VSIG10: variants seen among roughly 807,000 people sequenced by gnomAD.
VSIG10 encodes V-set and immunoglobulin domain-containing protein 10.
In VSIG10, 48 loss-of-function variants were observed where a neutral mutation model predicts 58.7. The ratio of observed to expected loss-of-function variants is 0.82; its 90% CI spans 0.65 to 1.04. VSIG10 has a LOEUF of 1.04. VSIG10 is among the 50% of genes least tolerant of loss of function. The pLI is 0.00. For synonymous variants in VSIG10, 260 were observed against 267.1 expected (o/e 0.97, Z 0.26); for missense variants, 628 against 670.0 (o/e 0.94, Z 0.69).
chr12:118,076,879 G>A (rs1566161420), intron 4 of VSIG10, among the ~76,000 whole-genome samples: 5 of 151,764 alleles, frequency 3.3e-5, no homozygotes, highest in Admixed American at 6.6e-5. Flanking sequence ...GGCTGGTCTC[G>A]AATTCCTAGC....
At chr12:118,103,380 G>T (rs936217396) in intron 1 of VSIG10, among the ~76,000 whole-genome samples, 1 of 152,090 alleles carries the variant, frequency 6.6e-6, no homozygotes, top group Non-Finnish European at 1.5e-5. Context: ...CAGGAGGCTG[G>T]GGGTATCTCG....
chr12:118,087,460 C>A (rs1454757676), intron 2 of VSIG10, among the ~76,000 whole-genome samples: 1 of 144,768 alleles, frequency 6.9e-6, no homozygotes. Flanking sequence ...CAGCCACTTG[C>A]AGATAACAAA....
rs889015191 is a variant in VSIG10 at position 118,070,884 on chromosome 12, A to C, written c.1346+168T>G. On this transcript the variant is annotated intron_variant, in intron 7 of 8. Transcript: ENST00000359236. ...ATGTCACCACCACCCTGAGGAGATG[A>C]TGAAAGGGTTTATAAGAATACCTGA... 4 of 789,922 alleles carry C rather than the reference A, an allele frequency of 5.1e-6. No individual in the cohort carries two copies. In the African/African-American group the frequency reaches 6.9e-5, roughly 14 times the overall value. 48.9% of individuals were successfully genotyped at this position (789,922 alleles called of 1,614,324 possible).
intron 4 of VSIG10, among the ~76,000 whole-genome samples, chr12:118,078,755 A>G (rs1023706699): frequency 2.0e-5 from 3 of 151,808 alleles, no homozygotes; most frequent in South Asian, 4.2e-4. Context: ...CCTGGCCAAC[A>G]TGGTGAAACC....
Position 118,103,667 on chromosome 12 carries a change from G to A in VSIG10, c.5C>T (p.Ala2Val), listed in dbSNP as rs1277011842. Residue 2 changes from alanine to valine, a missense_variant, in exon 1 of 9, where the codon GCC (alanine) becomes GTC (valine). Physicochemically the swap from Ala to Val is moderately conservative, Grantham distance 64 (BLOSUM62 0). Transcript: ENST00000359236. The stretch of plus-strand genomic sequence containing the variant: ...GGGCTCGGGCGCACTGCCGCCTGCG[G>A]CCATCTCGCCCCAGATCCCGGCTCA... M[A>V]AGGSAPEPRV... 6.7e-7 allele frequency: 1 copy of A among 1,494,798 alleles called. No individual in the cohort carries two copies. 92.6% of individuals were successfully genotyped at this position (1,494,798 alleles called of 1,614,324 possible). A position where few individuals can be genotyped will look rare whatever the true frequency, so the allele number is the denominator to read the frequency against.
chr12:118,101,053 C>CAAGG (rs2033610692), intron 1 of VSIG10, among the ~76,000 whole-genome samples: 2 of 152,190 alleles, frequency 1.3e-5, no homozygotes, highest in Non-Finnish European at 2.9e-5. Flanking sequence ...ATTGTTTTCT[C>CAAGG]CTCCAAGGCA....
Position 118,068,479 on chromosome 12 carries a change from CCT to C in VSIG10, c.1463_1464del (p.Glu488GlyfsTer8). On this transcript the variant is annotated frameshift_variant, in exon 8 of 9. Coordinates refer to ENST00000359236, the MANE Select transcript of VSIG10 (RefSeq NM_019086.6). LOFTEE classifies it high-confidence loss of function. ...TGCTTAGGTATTTCTTTTGGCAACT[CCT>C]CTCTCTCACGTGCTCCCTCCTGTTC... ...VGEQEGARER[E>X]ELPKEIPKQD... 6.2e-7 allele frequency: 1 copy of C among 1,613,598 alleles called. No homozygotes were observed. Among genetic ancestry groups the C allele is most frequent in the Non-Finnish European group, 8.5e-7 (1 of 1,179,702 alleles).
intron 2 of VSIG10, among the ~76,000 whole-genome samples, chr12:118,089,933 A>G (rs1278552058): frequency 1.3e-5 from 2 of 152,176 alleles, no homozygotes; most frequent in African/African-American, 4.8e-5. Flanking sequence ...TCTTCTTGAT[A>G]CCAAACACAT....
chr12:118,100,004 G>GA (rs2033581482), intron 1 of VSIG10, among the ~76,000 whole-genome samples: 1 of 152,234 alleles, frequency 6.6e-6, no homozygotes, highest in Admixed American at 6.5e-5. Context: ...GCCACTTGCT[G>GA]AAAGGTGGAG....
At position 118,095,758 on chromosome 12, in the gene VSIG10, T is replaced by G. The variant is rs748688193; in HGVS notation, c.136A>C (p.Asn46His). 1 of 1,613,368 alleles carries G rather than the reference T, an allele frequency of 6.2e-7. No individual in the cohort carries two copies. The highest frequency in any genetic ancestry group is 1.1e-5 in the South Asian group (1 of 90,952). The change falls in exon 2 of 9, where the codon AAC becomes CAC. Residue 46 changes from asparagine to histidine, a missense_variant. Asn to His is a moderately conservative substitution (Grantham distance 68). Coordinates refer to ENST00000359236, the MANE Select transcript of VSIG10 (RefSeq NM_019086.6). ...VHENVTLHCG[N>H]ISGLRGQVTW... is the part of the protein sequence containing the mutation. ...ACCTGGCCCCTCAGTCCCGAGATGT[T>G]GCCACAGTGCAGAGTAACATTCTCA...
At chr12:118,079,841 CTTTG>C (rs549925549) in intron 3 of VSIG10, among the ~76,000 whole-genome samples, 4,648 of 151,596 alleles carry the variant, frequency 0.031, 259 homozygotes, top group African/African-American at 0.11. Flanking sequence ...TTCTTTCTTT[CTTTG>C]TTTTTGAGAT....
intron 3 of VSIG10, among the ~76,000 whole-genome samples, chr12:118,079,940 TCTC>T (rs1217914585): frequency 2.6e-5 from 4 of 152,170 alleles, no homozygotes; most frequent in Admixed American, 6.6e-5. Context: ...TTCAAGCAAT[TCTC>T]CTGCTTCAGC....
chr12:118,098,012 T>C (rs2033513618), intron 1 of VSIG10, among the ~76,000 whole-genome samples: 1 of 152,166 alleles, frequency 6.6e-6, no homozygotes, highest in Non-Finnish European at 1.5e-5. Flanking sequence ...CTTCAGCTAG[T>C]CATCGATCCC....
intron 3 of VSIG10, 88 bp downstream of exon 3, chr12:118,082,039 G>GA: frequency 2.7e-6 from 2 of 752,500 alleles, no homozygotes; most frequent in South Asian, 2.9e-5. Context: ...AAAAAAAAAA[G>GA]ACAAATGGGA....
chr12:118,078,241 C>T (rs2032803767), intron 4 of VSIG10, among the ~76,000 whole-genome samples: 2 of 152,280 alleles, frequency 1.3e-5, no homozygotes, highest in South Asian at 4.1e-4. Flanking sequence ...TCACTGGAAG[C>T]TCCGCCTCCT....
intron 2 of VSIG10, among the ~76,000 whole-genome samples, chr12:118,083,615 C>A (rs910320702): frequency 4.0e-5 from 6 of 151,848 alleles, no homozygotes; most frequent in Non-Finnish European, 8.8e-5. Flanking sequence ...GGTGTGGTAT[C>A]ATGTGCCTAT....
chr12:118,075,082 G>A (rs1004193126), intron 4 of VSIG10, among the ~76,000 whole-genome samples: 2 of 148,676 alleles, frequency 1.3e-5, no homozygotes, highest in African/African-American at 4.9e-5. Context: ...AAAAAGCATA[G>A]TATATATATG....
rs747439755 is a variant in VSIG10, at chr12:118,071,453, C to T, written c.1236G>A (p.Gly412=). 6.8e-6 allele frequency: 11 copies of T among 1,613,826 alleles called. No individual in the cohort carries two copies. Among genetic ancestry groups the T allele is most frequent in the Admixed American group, 5.0e-5 (3 of 59,994 alleles). Residue 412 remains glycine (G), a synonymous_variant, in exon 6 of 9, where the codon GGG becomes GGA. Transcript: ENST00000359236. ...WLSVKEPLNI[G]GIVGTIVSLL... Reference sequence around the variant, plus strand: ...GGCTCACAATGGTTCCCACAATCCCCCCGATATTTAAAGGTTCTGTAAAGA... The same window carrying T: ...GGCTCACAATGGTTCCCACAATCCCTCCGATATTTAAAGGTTCTGTAAAGA...
At chr12:118,093,993 T>C (rs1042486749) in intron 2 of VSIG10, among the ~76,000 whole-genome samples, 4 of 152,116 alleles carry the variant, frequency 2.6e-5, no homozygotes, top group Admixed American at 1.3e-4. Flanking sequence ...TATCCCCCAT[T>C]AACAAATGAG....
Sources: gnomAD v4.1 joint callset for allele counts (sites outside exome capture counted in the v4.1 genomes callset) on GRCh38, gnomAD v4.1.1 for gene constraint, MANE v1.5 for transcripts, NCBI Gene and HGNC (gene_info 2026-07-23, HGNC 2026-07-21) for gene names.